HMCN1: variants seen among roughly 807,000 people sequenced by gnomAD.
HMCN1 encodes the protein hemicentin 1.
A neutral mutation model predicts 625.9 loss-of-function variants in HMCN1; 321 were observed. The ratio of observed to expected loss-of-function variants is 0.51; its 90% confidence interval spans 0.47 to 0.56. HMCN1 has a LOEUF of 0.56. Among genes scored for constraint, HMCN1 ranks in the 20% least tolerant of loss-of-function variants. HMCN1 has a pLI of 0.00. For missense variants in HMCN1, 6,588 were observed against 6,887.3 expected, an observed-to-expected ratio of 0.96 and a Z score of 1.54; for synonymous variants, 2,425 against 2,417.6, an observed-to-expected ratio of 1.00 and a Z score of -0.09.
At chr1:185,779,561 A>G (rs190570153) in intron 1 of HMCN1, among the ~76,000 whole-genome samples, 2,415 of 152,334 alleles carry the variant, frequency 0.016, 56 homozygotes, top group African/African-American at 0.055. Flanking sequence ...AGCTTTCTAC[A>G]TATGGCTAGC....
chr1:186,174,722 C>G (rs1652453738), intron 103 of HMCN1, 80 bp downstream of exon 103: 2 of 1,263,204 alleles, frequency 1.6e-6, no homozygotes, highest in Non-Finnish European at 2.3e-6. Context: ...GGGCCACTTT[C>G]TCTATCCTCA....
chr1:185,919,473 T>C (rs1666894178), intron 6 of HMCN1, among the ~76,000 whole-genome samples: 1 of 152,198 alleles, frequency 6.6e-6, no homozygotes, highest in Admixed American at 6.5e-5. Context: ...GATTTACTCG[T>C]AGATTTGGGG....
chr1:186,137,667 A>C lies in HMCN1; in HGVS notation c.13752A>C (p.Pro4584=). Residue 4584 remains proline, a splice_region_variant and synonymous_variant, in exon 88 of 107, where the codon CCA becomes CCC. Coordinates refer to ENST00000271588, the MANE Select transcript of HMCN1 (RefSeq NM_031935.3). ...EMRNCQNKPC[P]VDGSWSEWSL... The stretch of plus-strand genomic sequence containing the variant: ...GAAACTGTCAAAATAAGCCTTGTCC[A>C]GGTACACCTCCTTATTTAACTGATA... 1 of 1,614,094 alleles carries C rather than the reference A, an allele frequency of 6.2e-7. No homozygotes were observed. The highest frequency in any genetic ancestry group is 8.5e-7 in the Non-Finnish European group (1 of 1,179,972).
intron 16 of HMCN1, 142 bp from the exon 17 acceptor site, chr1:185,980,836 G>C: frequency 1.4e-6 from 1 of 730,520 alleles, no homozygotes; most frequent in Middle Eastern, 2.4e-4. Context: ...TCACTGTGGT[G>C]TGATGGCTGG....
chr1:185,906,661 T>C (rs1666111454), intron 4 of HMCN1, among the ~76,000 whole-genome samples: 1 of 151,876 alleles, frequency 6.6e-6, no homozygotes, highest in Non-Finnish European at 1.5e-5. Context: ...GAAGGATGTA[T>C]GTAAAAAATG....
At position 186,172,041 on chromosome 1, in the gene HMCN1, G is replaced by C. The variant is rs769999505; in HGVS notation, c.15724G>C (p.Asp5242His). The change falls in exon 102 of 107, where the codon GAT (aspartate) becomes CAT (histidine). Residue 5242 changes from aspartate (D) to histidine (H), a missense_variant. Physicochemically the swap from Asp to His is moderately conservative, Grantham distance 81. Around this residue, in one of 3 missense-constraint regions of HMCN1, gnomAD observed 1,954 missense variants for 2,013.1 expected, o/e 0.97. Coordinates refer to ENST00000271588, the MANE Select transcript of HMCN1 (RefSeq NM_031935.3). ...GTGTAGACAAAATGTATGCAGACCA[G>C]ATCAGCACTGTAAGAACACCCGTGG... ...NECRQNVCRP[D>H]QHCKNTRGGY... 1.2e-6 allele frequency: 2 copies of C among 1,613,660 alleles called. No individual in the cohort carries two copies. Among genetic ancestry groups the C allele is most frequent in the Non-Finnish European group, 1.7e-6 (2 of 1,179,676 alleles).
At chr1:186,099,605 G>A (rs545149394) in intron 68 of HMCN1, among the ~76,000 whole-genome samples, 1 of 152,184 alleles carries the variant, frequency 6.6e-6, no homozygotes, top group South Asian at 2.1e-4. Flanking sequence ...TACTAAAGAA[G>A]TAATTACTTT....
chr1:185,734,566 C>T lies in HMCN1; in HGVS notation c.-214C>T, dbSNP rs1227155443. On this transcript the variant is annotated 5_prime_UTR_variant, in exon 1 of 107. Transcript: ENST00000271588. ...AGTCCAGGAGGAAGCCGCATCCAGA[C>T]AAAAGCTGCCGCATCCCTGCCCTGC... The T allele has an allele frequency of 5.2e-6, 3 of 580,248 alleles. No individual in the cohort carries two copies. The highest frequency in any genetic ancestry group is 9.2e-6 in the Non-Finnish European group (3 of 326,600). 35.9% of individuals were successfully genotyped at this position (580,248 alleles called of 1,614,324 possible).
chr1:186,154,057 G>A, intron 97 of HMCN1, 70 bp downstream of exon 97: 1 of 1,187,930 alleles, frequency 8.4e-7, no homozygotes, highest in Admixed American at 1.7e-5. Flanking sequence ...TTCAAAATAA[G>A]GACATTGAGG....
intron 29 of HMCN1, 151 bp downstream of exon 29, chr1:186,003,995 C>T (rs1653374841): frequency 2.6e-6 from 2 of 757,362 alleles, no homozygotes; most frequent in Admixed American, 2.6e-5. Flanking sequence ...AAAAGCTAGT[C>T]TGAAAGTCTT....
At chr1:185,904,173 T>C (rs896787314) in intron 4 of HMCN1, among the ~76,000 whole-genome samples, 12 of 151,786 alleles carry the variant, frequency 7.9e-5, no homozygotes, top group Admixed American at 5.3e-4. Context: ...GCTCAATAAA[T>C]GCTTAGTGAC....
At chr1:185,975,983 A>G (rs1012476859) in intron 15 of HMCN1, among the ~76,000 whole-genome samples, 2 of 152,176 alleles carry the variant, frequency 1.3e-5, no homozygotes, top group Non-Finnish European at 2.9e-5. Flanking sequence ...TCCAGTGGCC[A>G]TGAATAATGC....
chr1:185,836,656 G>A (rs12567516), intron 1 of HMCN1, among the ~76,000 whole-genome samples: 23 of 152,054 alleles, frequency 1.5e-4, no homozygotes, highest in African/African-American at 5.6e-4. Flanking sequence ...CTTTATTTTA[G>A]GTTCAGGGGT....
At chr1:186,114,737 G>C in intron 73 of HMCN1, 82 bp from the exon 74 acceptor site, 1 of 1,489,460 alleles carries the variant, frequency 6.7e-7, no homozygotes, top group Non-Finnish European at 9.3e-7. Context: ...ATTTCACCAA[G>C]TGTTTAACAT....
chr1:185,790,623 C>A (rs531776184), intron 1 of HMCN1, among the ~76,000 whole-genome samples: 99 of 152,244 alleles, frequency 6.5e-4, no homozygotes, highest in Non-Finnish European at 1.2e-3. Context: ...TTCAATGGGG[C>A]CTTGTTGGCA....
intron 1 of HMCN1, among the ~76,000 whole-genome samples, chr1:185,778,630 A>G (rs1160523570): frequency 6.6e-6 from 1 of 151,882 alleles, no homozygotes; most frequent in Non-Finnish European, 1.5e-5. Context: ...TTTGCTGAGA[A>G]TGATGGTTTC....
intron 46 of HMCN1, among the ~76,000 whole-genome samples, chr1:186,061,436 C>T (rs1470348666): frequency 6.6e-6 from 1 of 152,092 alleles, no homozygotes; most frequent in African/African-American, 2.4e-5. Flanking sequence ...CCAGGTCCCT[C>T]CCTTGACCTC....
intron 46 of HMCN1, 57 bp downstream of exon 46, chr1:186,057,458 T>C (rs1380474112): frequency 1.7e-5 from 20 of 1,206,164 alleles, no homozygotes; most frequent in Non-Finnish European, 2.0e-5. Context: ...CTACAATTTC[T>C]CCTTAATTTC....
intron 4 of HMCN1, among the ~76,000 whole-genome samples, chr1:185,869,180 A>G (rs1431985271): frequency 2.6e-5 from 4 of 152,216 alleles, no homozygotes; most frequent in Admixed American, 6.5e-5. Flanking sequence ...TCAGGAAATT[A>G]TCTTTTTGTT....
Sources: allele counts gnomAD v4.1 joint callset (sites outside exome capture counted in the v4.1 genomes callset), GRCh38; gene constraint gnomAD v4.1.1; regional missense constraint gnomAD v4.1.1; transcripts MANE v1.5; gene names NCBI Gene and HGNC (gene_info 2026-07-23, HGNC 2026-07-21).